The following IFIT3 variants were observed in gnomAD, a reference collection of about 807,000 sequenced individuals.
The protein encoded by IFIT3 is interferon-induced protein with tetratricopeptide repeats 3.
IFIT3 carries 2 observed loss-of-function variants against 2.4 expected under a neutral mutation model. The ratio of observed to expected loss-of-function variants is 0.82; its 90% CI spans 0.34 to 2.60. The LOEUF (loss-of-function observed/expected upper bound fraction) is 2.60, where lower values mean the gene tolerates loss of function less well. IFIT3 is among the 30% of genes most tolerant of loss of function. IFIT3 has a pLI of 0.11. For missense variants in IFIT3, 481 were observed against 562.4 expected, an observed-to-expected ratio of 0.86 and a Z score of 1.46; for synonymous variants, 203 against 212.1, an observed-to-expected ratio of 0.96 and a Z score of 0.37.
chr10:89,339,683 G>A lies in IFIT3; in HGVS notation c.1028G>A (p.Cys343Tyr), dbSNP rs1057193413. Residue 343 changes from cysteine (C) to tyrosine (Y), a missense_variant, in exon 2 of 2, where the codon TGT becomes TAT. Cys to Tyr is a radical substitution (Grantham distance 194). Coordinates refer to ENST00000371818, the MANE Select transcript of IFIT3 (RefSeq NM_001549.6). ...CTCGCTGAGTTCCTGGAGACGGAATGTTATCAGACACCATTCAATAAGGAA... is the reference window on the plus strand; with the variant it reads ...CTCGCTGAGTTCCTGGAGACGGAATATTATCAGACACCATTCAATAAGGAA... ...SDLAEFLETE[C>Y]YQTPFNKEVP... 1.9e-6 allele frequency: 3 copies of A among 1,614,198 alleles called. No individual in the cohort carries two copies. The highest frequency in any genetic ancestry group is 2.2e-5 in the South Asian group (2 of 91,086).
chr10:89,330,942 G>A (rs1429729033), intron 1 of IFIT3, among the ~76,000 whole-genome samples: 1 of 152,184 alleles, frequency 6.6e-6, no homozygotes, highest in Non-Finnish European at 1.5e-5. Context: ...AGAATCTCTG[G>A]GAGTAGGACT....
In IFIT3 at chr10:89,339,201, T is replaced by G. The variant is rs1276459301; in HGVS notation, c.546T>G (p.His182Gln). ...FSSGLAIAMY[H>Q]LDNHPEKQFS... ...CTGGACTGGCAATTGCGATGTACCA[T>G]CTGGATAATCACCCAGAGAAACAGT... The change falls in exon 2 of 2, where the codon CAT becomes CAG. Residue 182 changes from histidine (H) to glutamine (Q), a missense_variant. His to Gln is a conservative substitution (Grantham distance 24). Transcript: ENST00000371818. 1.7e-5 allele frequency: 28 copies of G among 1,614,090 alleles called. No homozygotes were observed. Among genetic ancestry groups the G allele is most frequent in the Non-Finnish European group, 2.3e-5 (27 of 1,180,034 alleles).
rs763056602 is a variant in IFIT3, at chr10:89,340,281, G to A, written c.*153G>A. 6.5e-5 allele frequency: 49 copies of A among 750,306 alleles called. No homozygotes were observed. The highest frequency in any genetic ancestry group is 1.3e-4 in the Admixed American group (4 of 31,688). 46.5% of individuals were successfully genotyped at this position (750,306 alleles called of 1,614,324 possible). The stretch of plus-strand genomic sequence containing the variant: ...ATTTTTAAAGAGTTGTTTTTTGGCC[G>A]GGCGCAGTGGCTCATGCCTGTAATC... On this transcript the variant is annotated 3_prime_UTR_variant, in exon 2 of 2. Coordinates refer to ENST00000371818, the MANE Select transcript of IFIT3 (RefSeq NM_001549.6).
chr10:89,331,061 C>T (rs1843644432), intron 1 of IFIT3, among the ~76,000 whole-genome samples: 1 of 152,138 alleles, frequency 6.6e-6, no homozygotes, highest in African/African-American at 2.4e-5. Context: ...GAGCTGCACC[C>T]AAGAATGGTG....
chr10:89,336,774 T>C (rs17119610), intron 1 of IFIT3, among the ~76,000 whole-genome samples: 1,748 of 152,314 alleles, frequency 0.011, 27 homozygotes, highest in African/African-American at 0.04. Context: ...ATTGTGCTTG[T>C]CTGTGAAATC....
rs1183226600 is a variant in IFIT3 at position 89,331,614 on chromosome 10, CTT to C, written c.5+3538_5+3539del. Among the ~76,000 whole-genome samples, 9 of 152,240 alleles carry C rather than the reference CTT, an allele frequency of 5.9e-5. No individual in the cohort carries two copies. In the East Asian group the frequency reaches 1.7e-3, roughly 29 times the overall value. On this transcript the variant is annotated intron_variant, in intron 1 of 1. Coordinates refer to ENST00000371818, the MANE Select transcript of IFIT3 (RefSeq NM_001549.6). The stretch of plus-strand genomic sequence containing the variant: ...GTGGCTCACACCCATAAGCCCAACA[CTT>C]TGGGAGGCCGAGGAGGGCAGATGCT...
chr10:89,338,795 C>A lies in IFIT3; in HGVS notation c.140C>A (p.Thr47Asn), dbSNP rs778196760. Residue 47 changes from threonine to asparagine, a missense_variant, in exon 2 of 2, where the codon ACT (threonine) becomes AAT (asparagine). Coordinates refer to ENST00000371818, the MANE Select transcript of IFIT3 (RefSeq NM_001549.6). Reference protein sequence around the residue: ...RVCNQIEFLNTEFKATMYNLL... With the variant: ...RVCNQIEFLNNEFKATMYNLL... ...TGTAACCAGATTGAATTTTTAAACA[C>A]TGAGTTCAAAGCTACAATGTACAAC... is the stretch of plus-strand genomic sequence containing the variant. 7 of 1,614,118 alleles carry A rather than the reference C, an allele frequency of 4.3e-6. No homozygotes were observed. In the South Asian group the frequency reaches 7.7e-5, roughly 18 times the overall value.
chr10:89,331,034 C>T (rs1843644126), intron 1 of IFIT3, among the ~76,000 whole-genome samples: 1 of 152,158 alleles, frequency 6.6e-6, no homozygotes, highest in Non-Finnish European at 1.5e-5. Context: ...AAGTTGAGGG[C>T]AGCAGTCCCA....
At chr10:89,329,965 T>TG (rs1163145464) in intron 1 of IFIT3, among the ~76,000 whole-genome samples, 1 of 151,596 alleles carries the variant, frequency 6.6e-6, no homozygotes, top group Non-Finnish European at 1.5e-5. Context: ...TGGGCAGGTG[T>TG]GGGGGTCACA....
chr10:89,332,369 C>G (rs1053575939), intron 1 of IFIT3: 1 of 790,234 alleles, frequency 1.3e-6, no homozygotes, highest in Non-Finnish European at 1.8e-6. Flanking sequence ...ACTTTCAAAC[C>G]ACAGTTTTCC....
In IFIT3 at chr10:89,340,001, C is replaced by A. The variant is rs777883179; in HGVS notation, c.1346C>A (p.Ala449Asp). ...EKELGRLLRD[A>D]PSGIGSIFLS... Reference sequence around the variant, plus strand: ...GAACTGGGCCGCCTGCTAAGGGATGCCCCTTCAGGCATAGGCAGTATTTTC... The same window carrying A: ...GAACTGGGCCGCCTGCTAAGGGATGACCCTTCAGGCATAGGCAGTATTTTC... Residue 449 changes from alanine (A) to aspartate (D), a missense_variant, in exon 2 of 2, where the codon GCC (alanine) becomes GAC (aspartate). By Grantham distance (126) the Ala-to-Asp change is moderately radical. Transcript: ENST00000371818. The A allele has an allele frequency of 6.8e-6, 11 of 1,614,178 alleles. No homozygotes were observed. The highest frequency in any genetic ancestry group is 1.7e-5 in the Admixed American group (1 of 59,996).
intron 1 of IFIT3, among the ~76,000 whole-genome samples, chr10:89,329,067 T>A (rs890032261): frequency 6.6e-6 from 1 of 152,138 alleles, no homozygotes; most frequent in African/African-American, 2.4e-5. Context: ...GGGGATAGCA[T>A]GTTAGGGAGA....
intron 1 of IFIT3, among the ~76,000 whole-genome samples, chr10:89,329,230 C>T (rs1377880616): frequency 6.6e-6 from 1 of 152,078 alleles, no homozygotes; most frequent in Non-Finnish European, 1.5e-5. Context: ...CTTGAAGATG[C>T]TCTGCAATGT....
rs116926108 is a variant in IFIT3, at chr10:89,339,980, T to C, written c.1325T>C (p.Leu442Pro). ...LQAAKCYEKE[L>P]GRLLRDAPSG... ...GCAGCCAAATGTTATGAGAAGGAACTGGGCCGCCTGCTAAGGGATGCCCCT... is the reference window on the plus strand; with the variant it reads ...GCAGCCAAATGTTATGAGAAGGAACCGGGCCGCCTGCTAAGGGATGCCCCT... Residue 442 changes from leucine to proline, a missense_variant, in exon 2 of 2, where the codon CTG becomes CCG. Transcript: ENST00000371818. 3 of 1,614,226 alleles carry C rather than the reference T, an allele frequency of 1.9e-6. No homozygotes were observed. The highest frequency in any genetic ancestry group is 2.5e-6 in the Non-Finnish European group (3 of 1,180,040).
chr10:89,336,568 A>C (rs1366075096), intron 1 of IFIT3, among the ~76,000 whole-genome samples: 1 of 152,246 alleles, frequency 6.6e-6, no homozygotes, highest in Non-Finnish European at 1.5e-5. Context: ...GGTAAATTGC[A>C]AATAAAGTCA....
chr10:89,339,452 G>A lies in IFIT3; in HGVS notation c.797G>A (p.Arg266Gln), dbSNP rs950679345. The A allele has an allele frequency of 1.2e-5, 20 of 1,613,976 alleles. No homozygotes were observed. Among genetic ancestry groups the A allele is most frequent in the Middle Eastern group, 1.6e-4 (1 of 6,084 alleles). ...GACAAAGCTATTGAACTGTTTCAAC[G>A]GGTGTTGGAATCCACACCAAACAAT... is the stretch of plus-strand genomic sequence containing the variant. Reference protein sequence around the residue: ...DLDKAIELFQRVLESTPNNGY... With the variant: ...DLDKAIELFQQVLESTPNNGY... The change falls in exon 2 of 2, where the codon CGG becomes CAG. Residue 266 changes from arginine to glutamine, a missense_variant. By Grantham distance (43) the Arg-to-Gln change is conservative. Coordinates refer to ENST00000371818, the MANE Select transcript of IFIT3 (RefSeq NM_001549.6).
chr10:89,334,478 C>CTTTTTTTTTTTTTTTTTTTTTTT (rs578154457), intron 1 of IFIT3, among the ~76,000 whole-genome samples: 2 of 25,334 alleles, frequency 7.9e-5, no homozygotes, highest in African/African-American at 3.4e-4. Context: ...TTCTTTTATT[C>CTTTTTTTTTTTTTTTTTTTTTTT]TTTTTTTTTT....
At position 89,339,469 on chromosome 10, in the gene IFIT3, CCAAA is replaced by C. The variant is rs766729922; in HGVS notation, c.818_821del (p.Asn273MetfsTer16). Reference sequence around the variant, plus strand: ...GTTTCAACGGGTGTTGGAATCCACACCAAACAATGGCTACCTCTATCACCAGATT... The same window carrying C: ...GTTTCAACGGGTGTTGGAATCCACACCAATGGCTACCTCTATCACCAGATT... On this transcript the variant is annotated frameshift_variant, in exon 2 of 2. Coordinates refer to ENST00000371818, the MANE Select transcript of IFIT3 (RefSeq NM_001549.6). LOFTEE classifies it low-confidence loss of function (END_TRUNC). 6 of 1,613,932 alleles carry C rather than the reference CCAAA, an allele frequency of 3.7e-6. No homozygotes were observed. Among genetic ancestry groups the C allele is most frequent in the Middle Eastern group, 1.6e-4 (1 of 6,084 alleles).
rs770835380 is a variant in IFIT3 at position 89,328,104 on chromosome 10, A to AT, written c.5+27dup. 3.7e-6 allele frequency: 6 copies of AT among 1,612,604 alleles called. No individual in the cohort carries two copies. The East Asian group carries it at 1.3e-4, about 36-fold the overall frequency. On this transcript the variant is annotated intron_variant, in intron 1 of 1. Transcript: ENST00000371818. The stretch of plus-strand genomic sequence containing the variant: ...GTCAGTGAAATAAGAATGCATAATC[A>AT]TGCTTGTTTTTGAGTGCAAATTGTA...
Sources: allele counts gnomAD v4.1 joint callset (sites outside exome capture counted in the v4.1 genomes callset), GRCh38; gene constraint gnomAD v4.1.1; transcripts MANE v1.5; gene names NCBI Gene and HGNC (gene_info 2026-07-23, HGNC 2026-07-21).